The following CDYL variants were observed in gnomAD, a reference collection of about 807,000 sequenced individuals.
CDYL encodes the protein chromodomain Y-like protein.
Under a neutral mutation model 47.3 loss-of-function variants are expected in CDYL, and 8 were observed. The ratio of observed to expected loss-of-function variants is 0.17; its 90% CI spans 0.10 to 0.31. CDYL has a LOEUF of 0.31. Ranked by LOEUF, CDYL falls within the 10% of genes least tolerant of loss-of-function variation. CDYL has a pLI of 1.00. For missense variants in CDYL, 471 were observed against 701.4 expected, an observed-to-expected ratio of 0.67 and a Z score of 3.71; for synonymous variants, 266 against 265.0, an observed-to-expected ratio of 1.00 and a Z score of -0.04.
chr6:4,721,621 C>G (rs993041369), intron 2 of CDYL, among the ~76,000 whole-genome samples: 9 of 152,036 alleles, frequency 5.9e-5, no homozygotes, highest in Admixed American at 5.9e-4. Context: ...CCTCAACTGA[C>G]CCACCCACCT....
chr6:4,732,520 G>A (rs191860503), intron 2 of CDYL, among the ~76,000 whole-genome samples: 7 of 150,932 alleles, frequency 4.6e-5, no homozygotes, highest in Non-Finnish European at 8.9e-5. Flanking sequence ...AAATTCACTG[G>A]GCATAGTGGT....
chr6:4,827,659 T>C (rs1349302826), intron 1 of CDYL, among the ~76,000 whole-genome samples: 3 of 152,126 alleles, frequency 2.0e-5, no homozygotes, highest in African/African-American at 7.2e-5. Flanking sequence ...GCATTTGTCC[T>C]TTTTTTTCTT....
intron 3 of CDYL, among the ~76,000 whole-genome samples, chr6:4,771,101 A>C (rs1758331360): frequency 6.6e-6 from 1 of 152,002 alleles, no homozygotes. Context: ...GTGAGAGGGT[A>C]AGAGAATTTG....
At chr6:4,837,034 A>G (rs934683442) in intron 1 of CDYL, among the ~76,000 whole-genome samples, 4 of 152,192 alleles carry the variant, frequency 2.6e-5, no homozygotes, top group Admixed American at 2.6e-4. Context: ...GTATATCCCC[A>G]GTACCTCGTA....
intron 1 of CDYL, among the ~76,000 whole-genome samples, chr6:4,779,805 C>A (rs894260100): frequency 2.6e-5 from 4 of 152,284 alleles, no homozygotes; most frequent in African/African-American, 9.6e-5. Flanking sequence ...ATATTATGGT[C>A]TTTGTTGCAA....
chr6:4,802,104 C>T (rs1450499562), intron 1 of CDYL, among the ~76,000 whole-genome samples: 1 of 152,162 alleles, frequency 6.6e-6, no homozygotes, highest in East Asian at 1.9e-4. Flanking sequence ...CCATGTTTTG[C>T]AGCAATAGCT....
At chr6:4,916,011 C>G (rs1757546047) in intron 2 of CDYL, among the ~76,000 whole-genome samples, 1 of 152,200 alleles carries the variant, frequency 6.6e-6, no homozygotes, top group Non-Finnish European at 1.5e-5. Context: ...ACCTGGAAGC[C>G]TCCCCACCCC....
In CDYL at chr6:4,787,700, C is replaced by G. The variant is rs146717859; in HGVS notation, c.24+10893C>G. Among the ~76,000 whole-genome samples the G allele has an allele frequency of 3.3e-4, 50 of 149,946 alleles. 1 individual carries two copies. In the East Asian group the frequency reaches 9.9e-3, roughly 30 times the overall value. On this transcript the variant is annotated intron_variant, in intron 1 of 6. Transcript: ENST00000397588. ...CCCCTCACCTTTGACAGAAAGGCAG[C>G]TGGGAGAGAAGGAGACCAAAGACAT...
intron 2 of CDYL, among the ~76,000 whole-genome samples, chr6:4,893,095 C>G (rs923021123): frequency 6.6e-6 from 1 of 152,246 alleles, no homozygotes; most frequent in Non-Finnish European, 1.5e-5. Context: ...ACAGTTTTCT[C>G]TTACGAGGCC....
At chr6:4,733,176 G>C (rs1045010437) in intron 2 of CDYL, 1 of 152,158 alleles carries the variant, frequency 6.6e-6, no homozygotes, top group African/African-American at 2.4e-5. Flanking sequence ...GCAGTAGCCT[G>C]CCTGATGATG....
In CDYL at chr6:4,954,996, T is replaced by C. The variant is rs1232667022; in HGVS notation, c.*940T>C. 6.6e-6 allele frequency: 1 copy of C among 152,510 alleles called. No individual in the cohort carries two copies. Among genetic ancestry groups the C allele is most frequent in the Non-Finnish European group, 1.5e-5 (1 of 68,044 alleles). The allele number at this position is 152,510 out of a possible 1,614,324, so 9.4% of individuals were successfully genotyped here. A position where few individuals can be genotyped will look rare whatever the true frequency, so the allele number is the denominator to read the frequency against. Reference sequence around the variant, plus strand: ...ATTTTTATGTTTATAAAGTGTAATTTTTAGGTTCACTTAGAATATATTTTA... The same window carrying C: ...ATTTTTATGTTTATAAAGTGTAATTCTTAGGTTCACTTAGAATATATTTTA... On this transcript the variant is annotated 3_prime_UTR_variant, in exon 7 of 7. Transcript: ENST00000397588.
At chr6:4,856,926 A>G (rs565879347) in intron 1 of CDYL, among the ~76,000 whole-genome samples, 7 of 152,324 alleles carry the variant, frequency 4.6e-5, no homozygotes, top group South Asian at 4.1e-4. Context: ...ATTTTTGTCC[A>G]TCACTGTCTC....
chr6:4,752,864 ATAGG>A (rs1288042749), intron 3 of CDYL, among the ~76,000 whole-genome samples: 4 of 141,840 alleles, frequency 2.8e-5, no homozygotes, highest in Admixed American at 6.9e-5. Flanking sequence ...GTGTTTGTAG[ATAGG>A]TAGGTAGGTA....
At chr6:4,719,791 T>C (rs906473351) in intron 2 of CDYL, among the ~76,000 whole-genome samples, 2 of 152,178 alleles carry the variant, frequency 1.3e-5, no homozygotes, top group East Asian at 1.9e-4. Context: ...CATCTCTTCA[T>C]TGAAACAGTC....
chr6:4,766,516 T>C (rs1386390022), intron 3 of CDYL, among the ~76,000 whole-genome samples: 1 of 152,102 alleles, frequency 6.6e-6, no homozygotes, highest in South Asian at 2.1e-4. Flanking sequence ...CGGCCCTGAA[T>C]ATTTCTTTAT....
At chr6:4,750,855 C>CTTTTT (rs1445301601) in intron 3 of CDYL, among the ~76,000 whole-genome samples, 1 of 134,440 alleles carries the variant, frequency 7.4e-6, no homozygotes. Flanking sequence ...TTTTTCTTTT[C>CTTTTT]TTTTTTTTTT....
intron 5 of CDYL, among the ~76,000 whole-genome samples, chr6:4,949,228 G>T (rs1304227525): frequency 6.6e-6 from 1 of 152,210 alleles, no homozygotes; most frequent in Non-Finnish European, 1.5e-5. Context: ...AGGCTCCCAC[G>T]TGGAAATCTT....
intron 1 of CDYL, among the ~76,000 whole-genome samples, chr6:4,831,500 C>T (rs975860962): frequency 5.9e-5 from 9 of 152,186 alleles, no homozygotes; most frequent in African/African-American, 1.4e-4. Context: ...TATAGTTTGA[C>T]GTCAGGTGGC....
intron 2 of CDYL, among the ~76,000 whole-genome samples, chr6:4,896,830 A>G (rs954491133): frequency 6.6e-6 from 1 of 152,210 alleles, no homozygotes; most frequent in African/African-American, 2.4e-5. Flanking sequence ...AACATTAATC[A>G]TATACTGAAG....
Sources: gnomAD v4.1 joint callset for allele counts (sites outside exome capture counted in the v4.1 genomes callset) on GRCh38, gnomAD v4.1.1 for gene constraint, MANE v1.5 for transcripts, NCBI Gene and HGNC (gene_info 2026-07-23, HGNC 2026-07-21) for gene names.